The following FRMD8 variants were observed in gnomAD, a reference collection of about 807,000 sequenced individuals.
FRMD8 encodes the protein FERM domain containing 8.
FRMD8 carries 37 observed loss-of-function variants against 54.2 expected under a neutral mutation model. That is an observed-to-expected ratio of 0.68 (90% CI 0.53 to 0.90). The LOEUF (loss-of-function observed/expected upper bound fraction) is 0.90. Ranked by LOEUF, FRMD8 falls within the 40% of genes least tolerant of loss-of-function variation. The pLI, the probability that FRMD8 is intolerant of heterozygous loss-of-function variation, is 0.00. For missense variants in FRMD8, 585 were observed against 653.7 expected (o/e 0.89, Z 1.15); for synonymous variants, 246 against 286.9 (o/e 0.86, Z 1.44).
chr11:65,379,347 CTG>C, the FRMD8 span: 2 of 1,602,598 alleles, frequency 1.2e-6, no homozygotes, highest in Non-Finnish European at 1.7e-6. Flanking sequence ...CCTATGACAC[CTG>C]TGTGTGCCCA....
At chr11:65,374,543 CACCATGA>C in the FRMD8 span, among the ~76,000 whole-genome samples, 3 of 152,200 alleles carry the variant, frequency 2.0e-5, no homozygotes, top group Non-Finnish European at 4.4e-5. Flanking sequence ...GAATTCAGGT[CACCATGA>C]GGTGGACTCA....
the FRMD8 span, chr11:65,379,700 T>A: frequency 8.0e-7 from 1 of 1,246,792 alleles, no homozygotes; most frequent in Non-Finnish European, 1.1e-6. Flanking sequence ...AGGGATGGGC[T>A]GAGGCTGCGC....
the FRMD8 span, chr11:65,378,315 A>C: frequency 6.6e-6 from 1 of 151,952 alleles, no homozygotes; most frequent in Admixed American, 6.6e-5. Flanking sequence ...TCTTCTTCCC[A>C]CTCCACACTA....
chr11:65,382,043 A>G, upstream of FRMD8: 1 of 1,100,324 alleles, frequency 9.1e-7, no homozygotes, highest in Non-Finnish European at 1.4e-6. The surrounding 1 kb of genome is among the most constrained non-coding windows in gnomAD (Gnocchi z 4.4). Context: ...ATAACCTCCC[A>G]CTAATGTTTA....
At chr11:65,371,101 G>C in the FRMD8 span, among the ~76,000 whole-genome samples, 1 of 152,144 alleles carries the variant, frequency 6.6e-6, no homozygotes, top group Non-Finnish European at 1.5e-5. Context: ...TGTGGGCCTG[G>C]CACTCAGGAG....
upstream of FRMD8, among the ~76,000 whole-genome samples, chr11:65,383,906 C>A (rs999010732): frequency 9.9e-5 from 15 of 152,056 alleles, no homozygotes; most frequent in Non-Finnish European, 1.2e-4. Context: ...ACCCAATGGG[C>A]GGTTACATTA....
the FRMD8 span, among the ~76,000 whole-genome samples, chr11:65,374,377 G>A: frequency 8.1e-6 from 1 of 124,032 alleles, no homozygotes; most frequent in Non-Finnish European, 1.9e-5. Flanking sequence ...TGGACACTGC[G>A]GCTGGAAGCT....
At chr11:65,382,869 C>T (rs78184691), upstream of FRMD8, 4,663 of 152,392 alleles carry the variant, frequency 0.031, 279 homozygotes, top group African/African-American at 0.11. This position sits in a 1 kb window ranked among gnomAD's most constrained non-coding sequence, Gnocchi z 4.4. Flanking sequence ...AATGTCACCA[C>T]CTGGGTGAGG....
the FRMD8 span, chr11:65,379,766 TCTC>T: frequency 1.6e-5 from 24 of 1,491,044 alleles, no homozygotes; most frequent in African/African-American, 2.3e-4. Flanking sequence ...CTTGGTCTTC[TCTC>T]CTCCAGGAGC....
intron 2 of FRMD8, among the ~76,000 whole-genome samples, chr11:65,388,391 T>C (rs1428930452): frequency 6.6e-6 from 1 of 152,002 alleles, no homozygotes; most frequent in African/African-American, 2.4e-5. Flanking sequence ...AGACTGGGGG[T>C]CCGAGGAGCA....
chr11:65,390,622 C>T (rs1003806870), intron 3 of FRMD8, among the ~76,000 whole-genome samples: 1 of 152,006 alleles, frequency 6.6e-6, no homozygotes, highest in South Asian at 2.1e-4. Flanking sequence ...CGCCCACCCT[C>T]TTCCTGCTGC....
chr11:65,377,313 T>C, the FRMD8 span: 1 of 1,375,790 alleles, frequency 7.3e-7, no homozygotes, highest in South Asian at 1.7e-5. Context: ...CTGCCCCTCA[T>C]GCAACAGTGA....
At chr11:65,378,824 A>G in the FRMD8 span, 5,198 of 153,680 alleles carry the variant, frequency 0.034, 337 homozygotes, top group African/African-American at 0.12. Context: ...CCCTCCATCC[A>G]CCCCTCTAAA....
intron 10 of FRMD8, among the ~76,000 whole-genome samples, chr11:65,407,502 T>C (rs1279696993): frequency 1.3e-5 from 2 of 151,968 alleles, no homozygotes; most frequent in Non-Finnish European, 2.9e-5. Context: ...TCTGCTCACC[T>C]TGGACTACCA....
chr11:65,369,589 GC>G, the FRMD8 span, among the ~76,000 whole-genome samples: 1 of 150,784 alleles, frequency 6.6e-6, no homozygotes, highest in South Asian at 2.1e-4. Flanking sequence ...AATTAGCCAG[GC>G]TTGGTGGTGG....
At chr11:65,381,965 G>A (rs1399853825), upstream of FRMD8, 6 of 1,612,876 alleles carry the variant, frequency 3.7e-6, 1 homozygote, top group Middle Eastern at 1.6e-4. Flanking sequence ...CTGGGCTTGC[G>A]GGAACTGGTG....
chr11:65,392,713 C>T (rs1159081887), intron 3 of FRMD8, among the ~76,000 whole-genome samples: 2 of 152,096 alleles, frequency 1.3e-5, no homozygotes, highest in Non-Finnish European at 2.9e-5. Context: ...GTGGACAATT[C>T]TGCAGCCCCT....
chr11:65,368,170 G>C, the FRMD8 span: 5 of 149,440 alleles, frequency 3.3e-5, no homozygotes. Context: ...CCAGTTCCCA[G>C]GTTCAAGCGA....
chr11:65,369,350 C>T, the FRMD8 span, among the ~76,000 whole-genome samples: 2 of 150,570 alleles, frequency 1.3e-5, no homozygotes, highest in African/African-American at 2.5e-5. Context: ...TGTGGGAGGC[C>T]GAGGCAAGAC....
Sources: gnomAD v4.1 joint callset for allele counts (sites outside exome capture counted in the v4.1 genomes callset) on GRCh38, gnomAD v4.1.1 for gene constraint, Gnocchi (gnomAD v3.1) non-coding constraint, MANE v1.5 for transcripts, NCBI Gene and HGNC (gene_info 2026-07-23, HGNC 2026-07-21) for gene names.